Variants in CAPZB observed in about 807,000 individuals in gnomAD.
The protein encoded by CAPZB is F-actin-capping protein subunit beta.
A neutral mutation model predicts 38.1 loss-of-function variants in CAPZB; 2 were observed. The observed-to-expected ratio is 0.05, with a 90% confidence interval of 0.02 to 0.17. The LOEUF (loss-of-function observed/expected upper bound fraction) is 0.17. CAPZB is among the 10% of genes least tolerant of loss of function. The pLI is 1.00. For missense variants in CAPZB, 161 were observed against 334.2 expected (o/e 0.48, Z 4.04); for synonymous variants, 107 against 127.4 (o/e 0.84, Z 1.08).
intron 2 of CAPZB, among the ~76,000 whole-genome samples, chr1:19,394,671 G>A (rs893691746): frequency 5.3e-5 from 8 of 152,082 alleles, no homozygotes; most frequent in African/African-American, 1.9e-4. Context: ...AGCAGAGATC[G>A]CGCCACAGCA....
At chr1:19,432,926 C>T (rs1010665907) in intron 1 of CAPZB, among the ~76,000 whole-genome samples, 13 of 152,228 alleles carry the variant, frequency 8.5e-5, no homozygotes, top group African/African-American at 3.1e-4. Context: ...ATGTCATCTA[C>T]TACCAAATTC....
At chr1:19,358,114 A>G (rs2094031795) in intron 4 of CAPZB, among the ~76,000 whole-genome samples, 1 of 152,156 alleles carries the variant, frequency 6.6e-6, no homozygotes, top group African/African-American at 2.4e-5. Flanking sequence ...TTCCTCCTCA[A>G]ATCCGACGCA....
chr1:19,472,295 G>A (rs1558293155), intron 1 of CAPZB, among the ~76,000 whole-genome samples: 3 of 152,180 alleles, frequency 2.0e-5, no homozygotes, highest in African/African-American at 2.4e-5. Flanking sequence ...GCCATCTACA[G>A]CCTAGAGCTC....
intron 1 of CAPZB, among the ~76,000 whole-genome samples, chr1:19,425,460 AG>A (rs2094418964): frequency 6.6e-6 from 1 of 152,154 alleles, no homozygotes; most frequent in East Asian, 1.9e-4. Flanking sequence ...AAAAAAATCA[AG>A]GAAGAGTCCT....
Position 19,419,767 on chromosome 1 carries a change from AC to A in CAPZB, c.4-18del. On this transcript the variant is annotated intron_variant, in intron 1 of 8. Coordinates refer to ENST00000264202, the MANE Select transcript of CAPZB (RefSeq NM_004930.5). The stretch of plus-strand genomic sequence containing the variant: ...CTGATCACTCTGTGGAGGGAGAAAT[AC>A]AAGTGCGTCAGTCATTTTTGCCAGA... The A allele has an allele frequency of 7.1e-7, 1 of 1,411,690 alleles. No homozygotes were observed. Among genetic ancestry groups the A allele is most frequent in the Non-Finnish European group, 9.8e-7 (1 of 1,015,484 alleles). 87.4% of individuals were successfully genotyped at this position (1,411,690 alleles called of 1,614,324 possible).
intron 1 of CAPZB, among the ~76,000 whole-genome samples, chr1:19,470,675 T>G (rs1489057663): frequency 1.3e-5 from 2 of 152,172 alleles, no homozygotes; most frequent in Admixed American, 6.5e-5. Flanking sequence ...AGCAGTAAAA[T>G]TCCATGACAC....
At chr1:19,471,400 C>A (rs1206627551) in intron 1 of CAPZB, among the ~76,000 whole-genome samples, 2 of 152,178 alleles carry the variant, frequency 1.3e-5, no homozygotes, top group African/African-American at 4.8e-5. Flanking sequence ...CAAACTGACA[C>A]TGGAGTAAGT....
chr1:19,387,931 T>C (rs936373481), intron 2 of CAPZB, among the ~76,000 whole-genome samples: 2 of 152,180 alleles, frequency 1.3e-5, no homozygotes, highest in African/African-American at 4.8e-5. Context: ...GACAATATCA[T>C]CTGTCACCTG....
At chr1:19,484,530 T>C in intron 1 of CAPZB, 1 of 1,322,820 alleles carries the variant, frequency 7.6e-7, no homozygotes, top group Non-Finnish European at 9.7e-7. Context: ...TGCCCGCCCT[T>C]CCCTCGCTGG....
At chr1:19,444,705 G>A (rs996458806) in intron 1 of CAPZB, among the ~76,000 whole-genome samples, 3 of 152,168 alleles carry the variant, frequency 2.0e-5, no homozygotes, top group African/African-American at 7.2e-5. Flanking sequence ...AAGCAATTTT[G>A]TAAGATAGCT....
intron 2 of CAPZB, among the ~76,000 whole-genome samples, chr1:19,407,955 G>A (rs984627483): frequency 4.6e-5 from 7 of 152,132 alleles, no homozygotes; most frequent in Non-Finnish European, 1.5e-5. Flanking sequence ...CTCACCTTCT[G>A]ACCTCCATGA....
Position 19,339,516 on chromosome 1 carries a change from C to CG in CAPZB, c.*13_*14insC. 1 of 1,592,460 alleles carries CG rather than the reference C, an allele frequency of 6.3e-7. No homozygotes were observed. Among genetic ancestry groups the CG allele is most frequent in the Non-Finnish European group, 8.6e-7 (1 of 1,160,182 alleles). Reference sequence around the variant, plus strand: ...ACGAGTGCACGGCGTGTCTGGTTAGCATGAAACAGAGGTTTAGCATTGCTG... The same window carrying CG: ...ACGAGTGCACGGCGTGTCTGGTTAGCGATGAAACAGAGGTTTAGCATTGCTG... On this transcript the variant is annotated 3_prime_UTR_variant, in exon 9 of 9. Transcript: ENST00000264202.
At chr1:19,483,215 G>GCTA (rs2094636729) in intron 1 of CAPZB, among the ~76,000 whole-genome samples, 1 of 152,050 alleles carries the variant, frequency 6.6e-6, no homozygotes, top group African/African-American at 2.4e-5. Context: ...AATAAATACT[G>GCTA]CTCCTCCCCC....
intron 2 of CAPZB, among the ~76,000 whole-genome samples, chr1:19,399,831 G>A (rs1257142479): frequency 1.3e-5 from 2 of 152,182 alleles, no homozygotes; most frequent in Non-Finnish European, 2.9e-5. Flanking sequence ...ATCCTACGAA[G>A]TTTCATAGTT....
intron 4 of CAPZB, among the ~76,000 whole-genome samples, chr1:19,366,135 A>G (rs994844677): frequency 2.7e-5 from 4 of 149,600 alleles, no homozygotes; most frequent in African/African-American, 7.3e-5. Flanking sequence ...AAGGAGTAGC[A>G]GCAAGACTTG....
At chr1:19,355,563 A>G (rs966802432) in intron 6 of CAPZB, among the ~76,000 whole-genome samples, 1 of 152,070 alleles carries the variant, frequency 6.6e-6, no homozygotes, top group African/African-American at 2.4e-5. Context: ...ACAGCTATTG[A>G]GAGCATAATT....
At chr1:19,409,928 T>C (rs974445349) in intron 2 of CAPZB, among the ~76,000 whole-genome samples, 2 of 152,254 alleles carry the variant, frequency 1.3e-5, no homozygotes, top group Non-Finnish European at 2.9e-5. Context: ...TAATAGTTAA[T>C]TCTTCAGTCC....
chr1:19,418,525 AGCAGCCAGT>A (rs2094389810), intron 2 of CAPZB, among the ~76,000 whole-genome samples: 1 of 152,096 alleles, frequency 6.6e-6, no homozygotes, highest in Admixed American at 6.6e-5. Flanking sequence ...TGTCTCTCTG[AGCAGCCAGT>A]GACCTCAAGA....
intron 1 of CAPZB, among the ~76,000 whole-genome samples, chr1:19,476,965 C>T (rs554935443): frequency 1.3e-5 from 2 of 152,308 alleles, no homozygotes; most frequent in East Asian, 1.9e-4. Flanking sequence ...CCTGGACCTC[C>T]ATGGCAACTG....
Sources: gnomAD v4.1 joint callset for allele counts (sites outside exome capture counted in the v4.1 genomes callset) on GRCh38, gnomAD v4.1.1 for gene constraint, MANE v1.5 for transcripts, NCBI Gene and HGNC (gene_info 2026-07-23, HGNC 2026-07-21) for gene names.